The following ZMYND11 variants were observed in gnomAD, a reference collection of about 807,000 sequenced individuals.
ZMYND11 encodes zinc finger MYND domain-containing protein 11.
ZMYND11 carries 9 observed loss-of-function variants against 84.9 expected under a neutral mutation model. The ratio of observed to expected loss-of-function variants is 0.11; its 90% confidence interval spans 0.06 to 0.18. ZMYND11 has a LOEUF of 0.18. Ranked by LOEUF, ZMYND11 falls within the 10% of genes least tolerant of loss-of-function variation. The pLI, the probability that ZMYND11 is intolerant of heterozygous loss-of-function variation, is 1.00. For synonymous variants in ZMYND11, 250 were observed against 244.1 expected (o/e 1.02, Z -0.23); for missense variants, 409 against 761.0 (o/e 0.54, Z 5.44).
chr10:196,987 C>G (rs186341126), intron 2 of ZMYND11, among the ~76,000 whole-genome samples: 10 of 151,166 alleles, frequency 6.6e-5, no homozygotes, highest in African/African-American at 2.2e-4. Flanking sequence ...GCATTGTATT[C>G]ATGTATGTGT....
At chr10:154,204 A>G (rs4275539) in intron 1 of ZMYND11, among the ~76,000 whole-genome samples, 103,290 of 152,058 alleles carry the variant, frequency 0.68, 35,378 homozygotes, top group East Asian at 0.83. Flanking sequence ...TTTTCTGGAT[A>G]TATCATATTG....
intron 1 of ZMYND11, among the ~76,000 whole-genome samples, chr10:145,736 A>G (rs1554755126): frequency 6.6e-6 from 1 of 151,690 alleles, no homozygotes; most frequent in African/African-American, 2.4e-5. Flanking sequence ...CCGCTTTTTG[A>G]TGGGATTTTT....
chr10:168,870 C>T (rs1193411875), intron 1 of ZMYND11, among the ~76,000 whole-genome samples: 1 of 152,070 alleles, frequency 6.6e-6, no homozygotes, highest in Non-Finnish European at 1.5e-5. Flanking sequence ...TGATGAATCG[C>T]TAGATGCCCA....
In ZMYND11 at chr10:186,065, A is replaced by G. The variant is rs190568521; in HGVS notation, c.116+5937A>G. 1.5e-3 allele frequency among the ~76,000 whole-genome samples: 220 copies of G among 149,238 alleles called. 5 individuals are homozygous for G. In the East Asian group the frequency reaches 0.04, roughly 27 times the overall value. On this transcript the variant is annotated intron_variant, in intron 2 of 14. Transcript: ENST00000381604. ...GGCTCTTTCGCCCAGGTTGGAGTGC[A>G]GTGGAGCGATCTCGGCTCACTGCAA...
chr10:159,450 T>A (rs1025660259), intron 1 of ZMYND11, among the ~76,000 whole-genome samples: 15 of 152,192 alleles, frequency 9.9e-5, no homozygotes, highest in Non-Finnish European at 1.9e-4. Flanking sequence ...GTAGAAATGA[T>A]ATATTACATG....
At position 191,781 on chromosome 10, in the gene ZMYND11, T is replaced by C. The variant is rs200181467; in HGVS notation, c.116+11653T>C. ...ATCAGATACTCATTTTGATTTTTTT[T>C]CCCATTCATTTTCCTACATGTGGTT... On this transcript the variant is annotated intron_variant, in intron 2 of 14. Coordinates refer to ENST00000381604, the MANE Select transcript of ZMYND11 (RefSeq NM_001370100.5). Among the ~76,000 whole-genome samples the C allele has an allele frequency of 9.9e-5, 15 of 152,236 alleles. No individual in the cohort carries two copies. In the East Asian group the frequency reaches 2.7e-3, roughly 27 times the overall value.
At chr10:232,245 A>T (rs927386293) in intron 4 of ZMYND11, among the ~76,000 whole-genome samples, 5 of 152,358 alleles carry the variant, frequency 3.3e-5, no homozygotes, top group African/African-American at 1.2e-4. Context: ...GAAGCACTTC[A>T]GCGTGAACGC....
chr10:239,517 T>C lies in ZMYND11; in HGVS notation c.689T>C (p.Phe230Ser). 6.3e-7 allele frequency: 1 copy of C among 1,596,528 alleles called. No homozygotes were observed. The highest frequency in any genetic ancestry group is 8.5e-7 in the Non-Finnish European group (1 of 1,175,028). ...TTGCTTCTCCACAATACCGTGATTT[T>C]CTATGGAGGTTGAATATTTTTGTTT... is the stretch of plus-strand genomic sequence containing the variant. Reference protein sequence around the residue: ...AQLLLHNTVIFYGADSEQADI... With the variant: ...AQLLLHNTVISYGADSEQADI... Residue 230 changes from phenylalanine to serine, a missense_variant, in exon 7 of 15, where the codon TTC (phenylalanine) becomes TCC (serine). Phe to Ser is a radical substitution (Grantham distance 155, BLOSUM62 -2). Coordinates refer to ENST00000381604, the MANE Select transcript of ZMYND11 (RefSeq NM_001370100.5).
intron 6 of ZMYND11, among the ~76,000 whole-genome samples, chr10:238,589 C>T (rs1022377299): frequency 2.0e-5 from 3 of 152,122 alleles, no homozygotes; most frequent in African/African-American, 7.2e-5. Flanking sequence ...ATCTCCTGAC[C>T]TCGTGATCTG....
At chr10:165,633 C>G (rs573880855) in intron 1 of ZMYND11, among the ~76,000 whole-genome samples, 3 of 152,050 alleles carry the variant, frequency 2.0e-5, no homozygotes, top group Non-Finnish European at 4.4e-5. Context: ...CTGGGAAAAC[C>G]GGAAATCTAA....
chr10:210,899 A>T (rs1476717660), intron 3 of ZMYND11, among the ~76,000 whole-genome samples: 1 of 152,188 alleles, frequency 6.6e-6, no homozygotes, highest in African/African-American at 2.4e-5. Flanking sequence ...GTGGTGGCTC[A>T]TGCCTGTAGT....
intron 2 of ZMYND11, among the ~76,000 whole-genome samples, chr10:202,279 T>G (rs1194875801): frequency 6.6e-6 from 1 of 152,208 alleles, no homozygotes; most frequent in Admixed American, 6.5e-5. Context: ...TCTAACCTTT[T>G]GCTTTACTTT....
intron 1 of ZMYND11, among the ~76,000 whole-genome samples, chr10:138,930 G>C (rs1836804623): frequency 6.6e-6 from 1 of 152,090 alleles, no homozygotes; most frequent in African/African-American, 2.4e-5. Flanking sequence ...TGCAGCCTCT[G>C]CCTCCTGGGT....
intron 2 of ZMYND11, among the ~76,000 whole-genome samples, chr10:182,364 C>G (rs1848061529): frequency 6.6e-6 from 1 of 152,190 alleles, no homozygotes; most frequent in South Asian, 2.1e-4. Context: ...ATTCTTTTCT[C>G]TCCTTTCTTC....
intron 1 of ZMYND11, among the ~76,000 whole-genome samples, chr10:178,484 G>A (rs1218228234): frequency 6.6e-6 from 1 of 152,080 alleles, no homozygotes; most frequent in African/African-American, 2.4e-5. Context: ...AAGGCATATT[G>A]GATTCTGAAA....
intron 1 of ZMYND11, among the ~76,000 whole-genome samples, chr10:177,191 T>G (rs782084112): frequency 2.2e-4 from 33 of 152,164 alleles, no homozygotes; most frequent in Non-Finnish European, 4.0e-4. Context: ...GAATTTAGAT[T>G]TCATAAGAAA....
chr10:163,452 A>AT (rs1364646116), intron 1 of ZMYND11, among the ~76,000 whole-genome samples: 5 of 151,614 alleles, frequency 3.3e-5, no homozygotes, highest in African/African-American at 1.2e-4. Flanking sequence ...TGCATTCCTT[A>AT]TTTTTTTGTT....
upstream of ZMYND11, chr10:135,166 C>T (rs1424130972): frequency 6.6e-6 from 1 of 150,594 alleles, no homozygotes; most frequent in Non-Finnish European, 1.5e-5. This position sits in a 1 kb window ranked among gnomAD's most constrained non-coding sequence, Gnocchi z 5.6. Flanking sequence ...GCCGCCCGCT[C>T]CGGCCCCGCA....
chr10:198,337 GTAAT>G (rs1199389255), intron 2 of ZMYND11, among the ~76,000 whole-genome samples: 4 of 151,852 alleles, frequency 2.6e-5, no homozygotes, highest in African/African-American at 9.7e-5. Flanking sequence ...AAAATCTAAA[GTAAT>G]TATTTACAGT....
Sources: allele counts gnomAD v4.1 joint callset (sites outside exome capture counted in the v4.1 genomes callset), GRCh38; gene constraint gnomAD v4.1.1; non-coding constraint Gnocchi (gnomAD v3.1); transcripts MANE v1.5; gene names NCBI Gene and HGNC (gene_info 2026-07-23, HGNC 2026-07-21).